The following EHMT1 variants were observed in gnomAD, a reference collection of about 807,000 sequenced individuals.
The protein encoded by EHMT1 is histone-lysine N-methyltransferase EHMT1.
In EHMT1, 15 loss-of-function variants were observed where a neutral mutation model predicts 147.2. The ratio of observed to expected loss-of-function variants is 0.10; its 90% CI spans 0.07 to 0.16. The LOEUF (loss-of-function observed/expected upper bound fraction) is 0.16. Ranked by LOEUF, EHMT1 falls within the 10% of genes least tolerant of loss-of-function variation. The pLI, the probability that EHMT1 is intolerant of heterozygous loss-of-function variation, is 1.00. For missense variants in EHMT1, 1,587 were observed against 1,772.4 expected (o/e 0.90, Z 1.88); for synonymous variants, 795 against 709.6 (o/e 1.12, Z -1.91).
intron 3 of EHMT1, among the ~76,000 whole-genome samples, chr9:137,726,455 T>C (rs909003687): frequency 6.6e-6 from 1 of 152,214 alleles, no homozygotes; most frequent in Non-Finnish European, 1.5e-5. Context: ...CCAGCTTCGC[T>C]GCTTCTCAGG....
intron 7 of EHMT1, among the ~76,000 whole-genome samples, chr9:137,752,948 G>A (rs1949089307): frequency 6.6e-6 from 1 of 152,170 alleles, no homozygotes; most frequent in African/African-American, 2.4e-5. Context: ...AGGGAAGAGG[G>A]GTTCTGCTCC....
chr9:137,748,328 CAG>C (rs1260172509), intron 6 of EHMT1, among the ~76,000 whole-genome samples: 7 of 152,326 alleles, frequency 4.6e-5, no homozygotes, highest in African/African-American at 1.2e-4. Context: ...GGTGCTATTT[CAG>C]AGTGTGCGGG....
At chr9:137,725,537 A>G (rs1946539083) in intron 3 of EHMT1, among the ~76,000 whole-genome samples, 1 of 152,190 alleles carries the variant, frequency 6.6e-6, no homozygotes, top group African/African-American at 2.4e-5. Flanking sequence ...GAGAAGCAAC[A>G]AAAAACTCCA....
intron 1 of EHMT1, among the ~76,000 whole-genome samples, chr9:137,660,140 GC>G (rs1255855311): frequency 1.3e-5 from 2 of 151,904 alleles, no homozygotes; most frequent in African/African-American, 4.8e-5. Context: ...CTCGAGACCA[GC>G]CTGGGCAACA....
chr9:137,817,727 A>C (rs1365451793), intron 24 of EHMT1: 22 of 684,406 alleles, frequency 3.2e-5, no homozygotes, highest in Non-Finnish European at 5.2e-5. Flanking sequence ...TAACCAGCCC[A>C]GGAGTGCATT....
chr9:137,784,164 C>A, intron 15 of EHMT1: 1 of 1,551,248 alleles, frequency 6.4e-7, no homozygotes, highest in Non-Finnish European at 8.7e-7. Context: ...ATGGTGAGGA[C>A]CTCGTGCTGT....
In EHMT1 at chr9:137,646,666, G is replaced by A. The variant is rs192929584; in HGVS notation, c.21+27617G>A. ...GTTCTGTTGTTTTCACATCTCGCAA[G>A]GCACGTGTGTTGTCATGAGCTCTGG... On this transcript the variant is annotated intron_variant, in intron 1 of 26. Coordinates refer to ENST00000460843, the MANE Select transcript of EHMT1 (RefSeq NM_024757.5). Among the ~76,000 whole-genome samples the A allele has an allele frequency of 2.9e-4, 44 of 152,342 alleles. 1 individual carries two copies. In the East Asian group the frequency reaches 8.5e-3, roughly 29 times the overall value.
At chr9:137,628,560 G>T (rs1446659215) in intron 1 of EHMT1, among the ~76,000 whole-genome samples, 1 of 152,174 alleles carries the variant, frequency 6.6e-6, no homozygotes, top group Non-Finnish European at 1.5e-5. Context: ...GATCACAGGC[G>T]TGAACTGCTG....
At chr9:137,832,679 G>A (rs181831056) in intron 25 of EHMT1, 32 of 152,746 alleles carry the variant, frequency 2.1e-4, no homozygotes, top group African/African-American at 7.2e-4. Context: ...GTTCTGGTCG[G>A]GCAGAGATTT....
intron 26 of EHMT1, 93 bp downstream of exon 26, chr9:137,834,617 T>G (rs539657365): frequency 6.3e-7 from 1 of 1,597,668 alleles, no homozygotes; most frequent in East Asian, 2.3e-5. Context: ...TGTCTCGGGT[T>G]TATGCTAGTG....
rs1216884549 is a variant in EHMT1 at position 137,787,440 on chromosome 9, G to T, written c.2383-3408G>T. 1.3e-5 allele frequency among the ~76,000 whole-genome samples: 2 copies of T among 152,178 alleles called. No individual in the cohort carries two copies. Among genetic ancestry groups the T allele is most frequent in the African/African-American group, 4.8e-5 (2 of 41,454 alleles). ...GCTCAGCCCTGCCTCCCACAGCCTTGCCTCTGGGTGTAGGGGAAACAGAGG... is the reference window on the plus strand; with the variant it reads ...GCTCAGCCCTGCCTCCCACAGCCTTTCCTCTGGGTGTAGGGGAAACAGAGG... On this transcript the variant is annotated intron_variant, in intron 15 of 26. Coordinates refer to ENST00000460843, the MANE Select transcript of EHMT1 (RefSeq NM_024757.5). This position sits in a 1 kb window ranked among gnomAD's most constrained non-coding sequence, Gnocchi z 4.2.
chr9:137,699,860 G>A (rs1039503307), intron 1 of EHMT1, among the ~76,000 whole-genome samples: 15 of 152,122 alleles, frequency 9.9e-5, no homozygotes, highest in African/African-American at 3.6e-4. Flanking sequence ...AAAAATGAAT[G>A]AACAAGCAAA....
chr9:137,675,802 T>TTG lies in EHMT1; in HGVS notation c.22-35165_22-35164insTG, dbSNP rs35541714. 4.9e-3 allele frequency among the ~76,000 whole-genome samples: 509 copies of TTG among 104,684 alleles called. 32 individuals are homozygous for TTG. Among genetic ancestry groups the TTG allele is most frequent in the African/African-American group, 0.014 (338 of 23,786 alleles). The allele number at this position is 104,684 out of a possible 152,430, so 68.7% of individuals were successfully genotyped here. On this transcript the variant is annotated intron_variant, in intron 1 of 26. Coordinates refer to ENST00000460843, the MANE Select transcript of EHMT1 (RefSeq NM_024757.5). Reference sequence around the variant, plus strand: ...TAATTTTTTTTTTTTTTTTTTTTTTTAGACGGAGTCTCGCTCTGTCGCCCA... The same window carrying TTG: ...TAATTTTTTTTTTTTTTTTTTTTTTTTGAGACGGAGTCTCGCTCTGTCGCCCA...
intron 1 of EHMT1, among the ~76,000 whole-genome samples, chr9:137,659,338 G>A (rs965825780): frequency 6.6e-6 from 1 of 151,276 alleles, no homozygotes; most frequent in African/African-American, 2.4e-5. Context: ...TTAATTTTTT[G>A]TTGTTTCTGT....
chr9:137,744,162 A>G (rs1268456674), intron 6 of EHMT1, 72 bp downstream of exon 6: 4 of 1,548,342 alleles, frequency 2.6e-6, no homozygotes, highest in South Asian at 2.2e-5. Flanking sequence ...CTGAAAATTA[A>G]CAGTCTGGTC....
At chr9:137,714,992 A>C (rs565639593) in intron 2 of EHMT1, among the ~76,000 whole-genome samples, 1 of 152,100 alleles carries the variant, frequency 6.6e-6, no homozygotes, top group East Asian at 1.9e-4. Context: ...AGTTTTCCCT[A>C]CTTCTGTGAA....
chr9:137,780,834 A>G (rs112810888), intron 14 of EHMT1, among the ~76,000 whole-genome samples: 22 of 73,060 alleles, frequency 3.0e-4, no homozygotes, highest in Non-Finnish European at 4.8e-4. Flanking sequence ...GATGACGCCG[A>G]GACGTGTGGT....
rs890155645 is a variant in EHMT1, at chr9:137,803,853, A to T, written c.2712+2869A>T. On this transcript the variant is annotated intron_variant, in intron 18 of 26. Coordinates refer to ENST00000460843, the MANE Select transcript of EHMT1 (RefSeq NM_024757.5). The stretch of plus-strand genomic sequence containing the variant: ...CTCAAAAATTAAAAAAAAAAAAAAA[A>T]ACCTGCCAAACTGCTTTCCAAGTGA... 2.6e-5 allele frequency among the ~76,000 whole-genome samples: 4 copies of T among 152,024 alleles called. No individual in the cohort carries two copies. In the East Asian group the frequency reaches 7.7e-4, roughly 29 times the overall value.
intron 3 of EHMT1, 183 bp downstream of exon 3, chr9:137,717,365 G>A: frequency 1.3e-6 from 1 of 794,038 alleles, no homozygotes. Flanking sequence ...CACTTTGGGA[G>A]GCTGAGGCGG....
Sources: gnomAD v4.1 joint callset for allele counts (sites outside exome capture counted in the v4.1 genomes callset) on GRCh38, gnomAD v4.1.1 for gene constraint, Gnocchi (gnomAD v3.1) non-coding constraint, MANE v1.5 for transcripts, NCBI Gene and HGNC (gene_info 2026-07-23, HGNC 2026-07-21) for gene names.